Variants in GPHN observed in about 807,000 individuals in gnomAD.
GPHN encodes the protein gephyrin.
Under a neutral mutation model 95.5 loss-of-function variants are expected in GPHN, and 17 were observed. That is an observed-to-expected ratio of 0.18 (90% CI 0.12 to 0.27). GPHN has a LOEUF of 0.27. Among genes scored for constraint, GPHN ranks in the 10% least tolerant of loss-of-function variants. The probability of loss-of-function intolerance (pLI) is 1.00; values close to 1 mark genes in which losing one functional copy is unlikely to be tolerated. For missense variants in GPHN, 660 were observed against 978.1 expected, an observed-to-expected ratio of 0.67 and a Z score of 4.34; for synonymous variants, 320 against 322.5, an observed-to-expected ratio of 0.99 and a Z score of 0.08.
chr14:67,510,389 C>T, the GPHN span, among the ~76,000 whole-genome samples: 15 of 152,136 alleles, frequency 9.9e-5, no homozygotes, highest in African/African-American at 2.9e-4. Flanking sequence ...CACACACAGA[C>T]GAATCATTGC....
intron 12 of GPHN, among the ~76,000 whole-genome samples, chr14:67,099,195 C>T (rs2077557915): frequency 6.6e-6 from 1 of 151,964 alleles, no homozygotes; most frequent in East Asian, 1.9e-4. Flanking sequence ...CCACAACCCC[C>T]GCCTCGCAGG....
At chr14:66,562,041 C>G (rs964776029) in intron 1 of GPHN, among the ~76,000 whole-genome samples, 1 of 152,154 alleles carries the variant, frequency 6.6e-6, no homozygotes, top group African/African-American at 2.4e-5. Context: ...GAAAGGGTCT[C>G]TCTTTTAAGG....
At chr14:67,238,421 A>C in the GPHN span, among the ~76,000 whole-genome samples, 1 of 151,830 alleles carries the variant, frequency 6.6e-6, no homozygotes, top group Non-Finnish European at 1.5e-5. Flanking sequence ...GGAGCGTGCC[A>C]CCACACCCAG....
intron 21 of GPHN, among the ~76,000 whole-genome samples, chr14:67,170,397 A>C (rs2082532120): frequency 6.6e-6 from 1 of 152,228 alleles, no homozygotes; most frequent in African/African-American, 2.4e-5. Flanking sequence ...AGTCAAACCA[A>C]TAGTACTGAA....
chr14:66,933,492 A>T (rs1208989346), intron 8 of GPHN, among the ~76,000 whole-genome samples: 3 of 152,182 alleles, frequency 2.0e-5, no homozygotes, highest in Non-Finnish European at 4.4e-5. Flanking sequence ...GAAAAATTAC[A>T]ATTTCCCTCA....
the GPHN span, among the ~76,000 whole-genome samples, chr14:67,372,162 A>G: frequency 4.6e-5 from 7 of 152,226 alleles, no homozygotes; most frequent in African/African-American, 1.7e-4. Flanking sequence ...GTGCTTTTAT[A>G]TGATCAGTTA....
chr14:67,640,751 T>G, the GPHN span, among the ~76,000 whole-genome samples: 1 of 152,214 alleles, frequency 6.6e-6, no homozygotes, highest in Non-Finnish European at 1.5e-5. Context: ...TATTTAGTCC[T>G]CATCCTAAAT....
chr14:67,159,339 T>G, intron 18 of GPHN, 76 bp from the exon 19 acceptor site: 1 of 873,144 alleles, frequency 1.1e-6, no homozygotes, highest in Non-Finnish European at 2.0e-6. Context: ...TCTTATTAAT[T>G]TAATGTTCAT....
intron 9 of GPHN, among the ~76,000 whole-genome samples, chr14:66,965,798 C>G (rs920838878): frequency 5.3e-5 from 8 of 152,072 alleles, no homozygotes; most frequent in African/African-American, 1.7e-4. Flanking sequence ...ATGTTGCTGC[C>G]TAATATTTGC....
At chr14:67,026,893 C>T (rs1024586919) in intron 10 of GPHN, among the ~76,000 whole-genome samples, 5 of 152,154 alleles carry the variant, frequency 3.3e-5, no homozygotes, top group South Asian at 2.1e-4. Flanking sequence ...CCGCCCACCT[C>T]GGCCTCCCAG....
intron 1 of GPHN, among the ~76,000 whole-genome samples, chr14:66,606,441 T>G (rs1175878940): frequency 6.6e-6 from 1 of 152,104 alleles, no homozygotes; most frequent in Non-Finnish European, 1.5e-5. Context: ...TTGCTTAGTA[T>G]TGCCTTGGCG....
At chr14:67,651,635 G>T in the GPHN span, 3 of 754,274 alleles carry the variant, frequency 4.0e-6, no homozygotes, top group Non-Finnish European at 6.2e-6. Context: ...AGGTTCTTTA[G>T]CTGTCACTTA....
At chr14:67,290,457 C>T in the GPHN span, among the ~76,000 whole-genome samples, 1 of 152,150 alleles carries the variant, frequency 6.6e-6, no homozygotes, top group East Asian at 1.9e-4. Context: ...GGCTAGAGTG[C>T]AGTAGCGTGA....
In GPHN at chr14:67,181,220, G is replaced by A; in HGVS notation, c.*283G>A. The A allele has an allele frequency of 2.0e-6, 1 of 489,468 alleles. No homozygotes were observed. The highest frequency in any genetic ancestry group is 3.7e-6 in the Non-Finnish European group (1 of 268,064). 30.3% of individuals were successfully genotyped at this position (489,468 alleles called of 1,614,324 possible). The stretch of plus-strand genomic sequence containing the variant: ...CTAGGTCTGATAGCGATAGCTTTTA[G>A]TAGACAGCGGTAGGTGCCTGCAGAA... On this transcript the variant is annotated 3_prime_UTR_variant, in exon 23 of 23. Coordinates refer to ENST00000478722, the MANE Select transcript of GPHN (RefSeq NM_020806.5).
At chr14:66,822,953 T>C (rs2061255958) in intron 3 of GPHN, 1 of 151,942 alleles carries the variant, frequency 6.6e-6, no homozygotes, top group Non-Finnish European at 1.5e-5. Flanking sequence ...AAAACAAAGA[T>C]GGTTAATCTA....
chr14:67,501,716 G>A, the GPHN span, among the ~76,000 whole-genome samples: 36 of 152,278 alleles, frequency 2.4e-4, no homozygotes, highest in East Asian at 4.1e-3. Context: ...GAGGAAGGTC[G>A]TATAGCACCA....
the GPHN span, among the ~76,000 whole-genome samples, chr14:67,662,191 C>CAA: frequency 9.3e-5 from 14 of 149,896 alleles, no homozygotes; most frequent in South Asian, 1.7e-3. Flanking sequence ...AAAAAAAAAA[C>CAA]AACAGATTTT....
the GPHN span, among the ~76,000 whole-genome samples, chr14:67,212,598 A>T: frequency 8.2e-3 from 1,117 of 135,878 alleles, 7 homozygotes; most frequent in African/African-American, 0.026. Flanking sequence ...TGAAAAAAAA[A>T]ATATATATAT....
chr14:67,450,195 C>A, the GPHN span, among the ~76,000 whole-genome samples: 2 of 152,032 alleles, frequency 1.3e-5, no homozygotes, highest in Non-Finnish European at 2.9e-5. Flanking sequence ...GCGTTCCCAG[C>A]CATATGGAAC....
Sources: gnomAD v4.1 joint callset for allele counts (sites outside exome capture counted in the v4.1 genomes callset) on GRCh38, gnomAD v4.1.1 for gene constraint, MANE v1.5 for transcripts, NCBI Gene and HGNC (gene_info 2026-07-23, HGNC 2026-07-21) for gene names.